USP12: variants seen among roughly 807,000 people sequenced by gnomAD.
USP12 encodes the protein ubiquitin specific peptidase 12.
A neutral mutation model predicts 45.5 loss-of-function variants in USP12; 19 were observed. The observed-to-expected ratio is 0.42, with a 90% confidence interval of 0.29 to 0.61. The LOEUF is 0.61. USP12 is among the 20% of genes least tolerant of loss of function. The pLI, the probability that USP12 is intolerant of heterozygous loss-of-function variation, is 0.22. For synonymous variants in USP12, 149 were observed against 148.8 expected, an observed-to-expected ratio of 1.00 and a Z score of -0.01; for missense variants, 242 against 447.7, an observed-to-expected ratio of 0.54 and a Z score of 4.15.
chr13:27,074,332 G>A (rs989017650), intron 7 of USP12, among the ~76,000 whole-genome samples: 6 of 152,006 alleles, frequency 3.9e-5, no homozygotes, highest in East Asian at 1.9e-4. Context: ...CCCGGGAGGC[G>A]GAGCTTGCAC....
chr13:27,076,038 A>AT (rs574057662), intron 6 of USP12, among the ~76,000 whole-genome samples: 1 of 151,354 alleles, frequency 6.6e-6, no homozygotes, highest in Non-Finnish European at 1.5e-5. Flanking sequence ...TCAAAAAAAA[A>AT]AAAAAAAAAG....
chr13:27,113,375 G>T (rs1184782259), intron 2 of USP12, among the ~76,000 whole-genome samples: 1 of 152,150 alleles, frequency 6.6e-6, no homozygotes, highest in Non-Finnish European at 1.5e-5. Context: ...CCCCATGCTG[G>T]GCCTGGGTGA....
At chr13:27,095,334 C>T (rs1874526523) in intron 4 of USP12, among the ~76,000 whole-genome samples, 1 of 152,152 alleles carries the variant, frequency 6.6e-6, no homozygotes, top group South Asian at 2.1e-4. Context: ...ATTTCCACAA[C>T]ATGGTTCTAT....
chr13:27,082,984 C>T (rs188440991), intron 6 of USP12, among the ~76,000 whole-genome samples: 229 of 152,270 alleles, frequency 1.5e-3, no homozygotes, highest in African/African-American at 5.2e-3. Flanking sequence ...TATAGGCATG[C>T]GCCACCACGT....
At chr13:27,148,983 G>A (rs1371731855) in intron 1 of USP12, among the ~76,000 whole-genome samples, 1 of 151,970 alleles carries the variant, frequency 6.6e-6, no homozygotes, top group African/African-American at 2.4e-5. Context: ...AGGAGTTCAA[G>A]ACCAGCCTGG....
chr13:27,153,446 T>A (rs1008697698), intron 1 of USP12, among the ~76,000 whole-genome samples: 14 of 152,282 alleles, frequency 9.2e-5, no homozygotes, highest in African/African-American at 3.4e-4. Context: ...AAATATTTTC[T>A]AGTTTCAAAT....
At chr13:27,086,191 A>ATATATATATATATATAT (rs1555233222) in intron 6 of USP12, among the ~76,000 whole-genome samples, 9 of 72,566 alleles carry the variant, frequency 1.2e-4, no homozygotes, top group African/African-American at 2.9e-4. Context: ...AAAAAAAAAA[A>ATATATATATATATATAT]AAAAAAATAT....
Position 27,069,279 on chromosome 13 carries a change from C to T in USP12, c.*4G>A, listed in dbSNP as rs557320864. ...AGAAAGTGTCTCTTCATCACGGTTC[C>T]CTCTCAGTCCCGAGACTGATAGAAA... is the stretch of plus-strand genomic sequence containing the variant. On this transcript the variant is annotated 3_prime_UTR_variant, in exon 9 of 9. Coordinates refer to ENST00000282344, the MANE Select transcript of USP12 (RefSeq NM_182488.4). 1 of 1,602,336 alleles carries T rather than the reference C, an allele frequency of 6.2e-7. No homozygotes were observed. Among genetic ancestry groups the T allele is most frequent in the Non-Finnish European group, 8.5e-7 (1 of 1,171,192 alleles).
intron 1 of USP12, among the ~76,000 whole-genome samples, chr13:27,144,200 C>CA (rs55832837): frequency 4.4e-4 from 63 of 142,164 alleles, no homozygotes; most frequent in Admixed American, 4.9e-4. Context: ...CTCTGACTCC[C>CA]AAAAAAAAAA....
intron 1 of USP12, among the ~76,000 whole-genome samples, chr13:27,166,704 T>C (rs551423680): frequency 6.6e-6 from 1 of 152,152 alleles, no homozygotes; most frequent in Non-Finnish European, 1.5e-5. Flanking sequence ...TTCAAGCATA[T>C]TAAAAATTTC....
chr13:27,121,850 G>C (rs1876006137), intron 1 of USP12, among the ~76,000 whole-genome samples: 1 of 151,574 alleles, frequency 6.6e-6, no homozygotes, highest in Admixed American at 6.6e-5. Flanking sequence ...GACAGAGCGA[G>C]ACTCTGTCTC....
chr13:27,071,859 C>T (rs921896537), intron 7 of USP12, among the ~76,000 whole-genome samples: 1 of 152,076 alleles, frequency 6.6e-6, no homozygotes, highest in Non-Finnish European at 1.5e-5. Flanking sequence ...GTTTTAACCT[C>T]TTCCAGTTTA....
At chr13:27,151,785 C>A (rs1338455887) in intron 1 of USP12, among the ~76,000 whole-genome samples, 1 of 152,014 alleles carries the variant, frequency 6.6e-6, no homozygotes, top group Non-Finnish European at 1.5e-5. Flanking sequence ...AAAACAAAAA[C>A]AAAACAACAA....
chr13:27,135,956 C>G (rs1047957580), intron 1 of USP12, among the ~76,000 whole-genome samples: 14 of 152,138 alleles, frequency 9.2e-5, no homozygotes, highest in African/African-American at 3.4e-4. Flanking sequence ...AAAATTCAGG[C>G]AGCACCATGG....
At chr13:27,123,514 C>A (rs2137803676) in intron 1 of USP12, among the ~76,000 whole-genome samples, 1 of 152,280 alleles carries the variant, frequency 6.6e-6, no homozygotes, top group Admixed American at 6.5e-5. Flanking sequence ...GCTGTGTCCC[C>A]ACCCAAATCT....
At chr13:27,073,984 T>A (rs986969145) in intron 7 of USP12, among the ~76,000 whole-genome samples, 21 of 152,152 alleles carry the variant, frequency 1.4e-4, no homozygotes, top group African/African-American at 4.8e-4. Context: ...TGATCACTCT[T>A]AATTTAGAAG....
At chr13:27,084,800 A>G (rs1873937836) in intron 6 of USP12, among the ~76,000 whole-genome samples, 1 of 152,194 alleles carries the variant, frequency 6.6e-6, no homozygotes, top group Admixed American at 6.5e-5. Flanking sequence ...GCTTTGTAAT[A>G]TACTTTGAAA....
intron 6 of USP12, among the ~76,000 whole-genome samples, chr13:27,086,308 C>CACACACACACAA (rs369044569): frequency 3.3e-5 from 4 of 122,612 alleles, no homozygotes; most frequent in African/African-American, 1.2e-4. Context: ...CACACACACA[C>CACACACACACAA]AATGCAGCAC....
At chr13:27,075,455 CTT>C in intron 6 of USP12, 67 bp from the exon 7 acceptor site, 1 of 1,385,010 alleles carries the variant, frequency 7.2e-7, no homozygotes, top group South Asian at 1.3e-5. Flanking sequence ...AATTATCAAA[CTT>C]TACGATATCC....
Sources: gnomAD v4.1 joint callset for allele counts (sites outside exome capture counted in the v4.1 genomes callset) on GRCh38, gnomAD v4.1.1 for gene constraint, MANE v1.5 for transcripts, NCBI Gene and HGNC (gene_info 2026-07-23, HGNC 2026-07-21) for gene names.